The following SHBG variants were observed in gnomAD, a reference collection of about 807,000 sequenced individuals.
The protein encoded by SHBG is sex hormone-binding globulin.
Under a neutral mutation model 41.9 loss-of-function variants are expected in SHBG, and 37 were observed. The observed-to-expected ratio is 0.88, with a 90% confidence interval of 0.68 to 1.16. The LOEUF (loss-of-function observed/expected upper bound fraction) is 1.16. SHBG is among the 50% of genes most tolerant of loss of function. SHBG has a pLI of 0.00. For missense variants in SHBG, 466 were observed against 499.9 expected, an observed-to-expected ratio of 0.93 and a Z score of 0.65; for synonymous variants, 217 against 205.8, an observed-to-expected ratio of 1.05 and a Z score of -0.47.
upstream of SHBG, chr17:7,627,014 T>G (rs528443883): frequency 2.5e-6 from 4 of 1,613,530 alleles, no homozygotes; most frequent in Admixed American, 3.3e-5. The surrounding 1 kb of genome is among the most constrained non-coding windows in gnomAD (Gnocchi z 4.8). Flanking sequence ...GTAGATGAAA[T>G]AGTATATCCC....
At chr17:7,627,886 G>C (rs1426126526), upstream of SHBG, 2 of 626,786 alleles carry the variant, frequency 3.2e-6, no homozygotes, top group African/African-American at 1.8e-5. The surrounding 1 kb of genome is among the most constrained non-coding windows in gnomAD (Gnocchi z 4.8). Context: ...TGTCGCAGCA[G>C]GGGGCACAAC....
At chr17:7,632,324 G>A (rs963852645) in intron 6 of SHBG, among the ~76,000 whole-genome samples, 6 of 151,724 alleles carry the variant, frequency 4.0e-5, no homozygotes, top group African/African-American at 1.5e-4. Context: ...CATGTCTGCT[G>A]CCCTAGCTAT....
At chr17:7,621,705 A>G (rs896791029) in intron 1 of SHBG, among the ~76,000 whole-genome samples, 1 of 149,278 alleles carries the variant, frequency 6.7e-6, no homozygotes, top group Non-Finnish European at 1.5e-5. Flanking sequence ...TATATCTGTG[A>G]AAAAAAAAAT....
chr17:7,632,831 G>A lies in SHBG; in HGVS notation c.932G>A (p.Ser311Asn). The A allele has an allele frequency of 1.2e-6, 2 of 1,614,150 alleles. No individual in the cohort carries two copies. Among genetic ancestry groups the A allele is most frequent in the Non-Finnish European group, 1.7e-6 (2 of 1,179,990 alleles). Residue 311 changes from serine (S) to asparagine (N), a missense_variant, in exon 7 of 8, where the codon AGT (serine) becomes AAT (asparagine). Coordinates refer to ENST00000380450, the MANE Select transcript of SHBG (RefSeq NM_001040.5). ...GGACTCCCTCTTCAGCTGAAGCTGA[G>A]TATGTCCAGGGTGGTCTTGAGCCAA... Reference protein sequence around the residue: ...VLGLPLQLKLSMSRVVLSQGS... With the variant: ...VLGLPLQLKLNMSRVVLSQGS...
In SHBG at chr17:7,617,564, C is replaced by T. The variant is rs955271272; in HGVS notation, c.-62+3453C>T. Among the ~76,000 whole-genome samples, 6 of 151,970 alleles carry T rather than the reference C, an allele frequency of 3.9e-5. No homozygotes were observed. In the East Asian group the frequency reaches 1.2e-3, roughly 29 times the overall value. ...GTTGCAGTGAGCCAAGATTGTGCCA[C>T]TGCACTCCAGCCTGGGTGACAGAGC... On this transcript the variant is annotated intron_variant, in intron 1 of 5. Transcript: ENST00000570547.
At chr17:7,627,003 T>C, upstream of SHBG, 1 of 1,613,922 alleles carries the variant, frequency 6.2e-7, no homozygotes, top group Admixed American at 1.7e-5. The surrounding 1 kb of genome is among the most constrained non-coding windows in gnomAD (Gnocchi z 4.8). Flanking sequence ...TTCCATGTAC[T>C]GTAGATGAAA....
chr17:7,623,144 G>A (rs1160956165), upstream of SHBG, among the ~76,000 whole-genome samples: 2 of 152,188 alleles, frequency 1.3e-5, no homozygotes, highest in Non-Finnish European at 2.9e-5. Flanking sequence ...TGCAATCCCA[G>A]CACTTTTGGA....
upstream of SHBG, chr17:7,627,957 C>T (rs762385168): frequency 2.6e-5 from 14 of 542,432 alleles, no homozygotes; most frequent in South Asian, 2.2e-4. This position sits in a 1 kb window ranked among gnomAD's most constrained non-coding sequence, Gnocchi z 4.8. Flanking sequence ...CCACCCCCGA[C>T]AGCTGGATCT....
chr17:7,627,754 G>C (rs575328474), upstream of SHBG: 1,148 of 1,190,144 alleles, frequency 9.6e-4, no homozygotes, highest in Non-Finnish European at 1.3e-3. The surrounding 1 kb of genome is among the most constrained non-coding windows in gnomAD (Gnocchi z 4.8). Flanking sequence ...GCGGGAGTCG[G>C]GGGGGACGGC....
At chr17:7,632,454 T>C (rs2072449582) in intron 6 of SHBG, among the ~76,000 whole-genome samples, 1 of 151,770 alleles carries the variant, frequency 6.6e-6, no homozygotes, top group African/African-American at 2.4e-5. Context: ...AAAATAAAAA[T>C]AAAAATAAGG....
At chr17:7,629,502 C>G (rs1597915524), upstream of SHBG, among the ~76,000 whole-genome samples, 6 of 151,582 alleles carry the variant, frequency 4.0e-5, no homozygotes. Context: ...AGGCGGGGGG[C>G]AGGTCCCTTC....
At chr17:7,622,834 CCTGA>C (rs568038755) in intron 1 of SHBG, among the ~76,000 whole-genome samples, 79 of 145,040 alleles carry the variant, frequency 5.4e-4, no homozygotes, top group African/African-American at 2.0e-3. Flanking sequence ...TCGAGACCAT[CCTGA>C]CTAACACAGT....
upstream of SHBG, among the ~76,000 whole-genome samples, chr17:7,628,636 G>A (rs922096481): frequency 1.3e-5 from 2 of 151,782 alleles, no homozygotes; most frequent in African/African-American, 2.4e-5. Context: ...AGTAGAGACG[G>A]GGTTTCACTA....
upstream of SHBG, chr17:7,626,514 G>A (rs774305138): frequency 3.0e-5 from 48 of 1,614,018 alleles, no homozygotes; most frequent in East Asian, 1.1e-4. Context: ...CTCAGCTTCC[G>A]TCAGATCTTG....
chr17:7,630,744 A>C lies in SHBG; in HGVS notation c.268A>C (p.Asn90His). 6.2e-7 allele frequency: 1 copy of C among 1,614,060 alleles called. No individual in the cohort carries two copies. Among genetic ancestry groups the C allele is most frequent in the Middle Eastern group, 1.6e-4 (1 of 6,062 alleles). ...PEGVIFYGDT[N>H]PKDDWFMLGL... ...GGGAGTGATTTTTTATGGGGATACC[A>C]ACCCTAAGGATGACTGGTTTATGCT... The change falls in exon 3 of 8, where the codon AAC (asparagine) becomes CAC (histidine). Residue 90 changes from asparagine (N) to histidine (H), a missense_variant. By Grantham distance (68) the Asn-to-His change is moderately conservative. Coordinates refer to ENST00000380450, the MANE Select transcript of SHBG (RefSeq NM_001040.5). This position sits in a 1 kb window ranked among gnomAD's most constrained non-coding sequence, Gnocchi z 4.6.
intron 1 of SHBG, among the ~76,000 whole-genome samples, chr17:7,621,114 A>G (rs2072087119): frequency 7.0e-6 from 1 of 142,296 alleles, no homozygotes; most frequent in Non-Finnish European, 1.6e-5. Context: ...AAAAAAAAAA[A>G]AAAAAAAAAT....
chr17:7,629,303 G>C (rs1286430857), upstream of SHBG, among the ~76,000 whole-genome samples: 3 of 151,780 alleles, frequency 2.0e-5, no homozygotes, highest in Non-Finnish European at 4.4e-5. Context: ...GCTTGAACTC[G>C]AGAGGCAGAG....
At chr17:7,615,082 C>T (rs1410051298) in intron 1 of SHBG, among the ~76,000 whole-genome samples, 1 of 152,260 alleles carries the variant, frequency 6.6e-6, no homozygotes, top group South Asian at 2.1e-4. Context: ...CTTCTTTCTT[C>T]ACCGCTCCAC....
intron 1 of SHBG, among the ~76,000 whole-genome samples, chr17:7,618,598 C>T (rs547428515): frequency 3.3e-5 from 5 of 152,190 alleles, no homozygotes; most frequent in African/African-American, 9.6e-5. Context: ...TGAGCCACTG[C>T]GCCCGGCCCA....
Sources: gnomAD v4.1 joint callset for allele counts (sites outside exome capture counted in the v4.1 genomes callset) on GRCh38, gnomAD v4.1.1 for gene constraint, Gnocchi (gnomAD v3.1) non-coding constraint, MANE v1.5 for transcripts, NCBI Gene and HGNC (gene_info 2026-07-23, HGNC 2026-07-21) for gene names.